NBPF9: variants seen among roughly 807,000 people sequenced by gnomAD.
NBPF9 encodes the protein NBPF family member NBPF9.
NBPF9 carries 91 observed loss-of-function variants against 97.8 expected under a neutral mutation model. The observed-to-expected ratio is 0.93, with a 90% CI of 0.79 to 1.11. The LOEUF (loss-of-function observed/expected upper bound fraction) is 1.11, where lower values mean the gene tolerates loss of function less well. Ranked by LOEUF, NBPF9 falls within the 50% of genes least tolerant of loss-of-function variation. NBPF9 has a pLI of 0.00. For synonymous variants in NBPF9, 334 were observed against 359.5 expected, an observed-to-expected ratio of 0.93 and a Z score of 0.80; for missense variants, 992 against 939.5, an observed-to-expected ratio of 1.06 and a Z score of -0.73.
intron 22 of NBPF9, 65 bp downstream of exon 22, chr1:149,062,028 C>A (rs2078628669): frequency 8.5e-6 from 6 of 706,928 alleles, no homozygotes; most frequent in East Asian, 2.9e-5. Context: ...CCACTTGGAA[C>A]AGGAATATCA....
In NBPF9 at chr1:149,059,843, G is replaced by C. The variant is rs1184773982; in HGVS notation, c.2477-35C>G. The stretch of plus-strand genomic sequence containing the variant: ...ATTCAGACATGGACAGACACATTAA[G>C]CTGATTCCCCTACACATATAACAAT... On this transcript the variant is annotated intron_variant, in intron 24 of 29. Transcript: ENST00000584027. The C allele has an allele frequency of 7.4e-5, 39 of 528,184 alleles. 11 individuals are homozygous for C. The highest frequency in any genetic ancestry group is 1.2e-4 in the Non-Finnish European group (35 of 287,938). The allele number at this position is 528,184 out of a possible 1,614,324, so 32.7% of individuals were successfully genotyped here. A position where few individuals can be genotyped will look rare whatever the true frequency, so the allele number is the denominator to read the frequency against.
At chr1:149,085,616 G>T (rs1306315313) in intron 5 of NBPF9, among the ~76,000 whole-genome samples, 1 of 151,890 alleles carries the variant, frequency 6.6e-6, no homozygotes, top group Non-Finnish European at 1.5e-5. Flanking sequence ...CTCACCAATT[G>T]CTTTTAGGGG....
Position 149,061,131 on chromosome 1 carries a change from C to A in NBPF9, c.2303+201G>T. 4 of 381,866 alleles carry A rather than the reference C, an allele frequency of 1.0e-5. 1 individual carries two copies. The highest frequency in any genetic ancestry group is 8.9e-4 in the Middle Eastern group (1 of 1,126). The allele number at this position is 381,866 out of a possible 1,614,324, so 23.7% of individuals were successfully genotyped here. Reference sequence around the variant, plus strand: ...GAGTTTTTGAAGTCTGGTCCACCTACAGTAGGTTAGTAAATGATAAGGGGA... The same window carrying A: ...GAGTTTTTGAAGTCTGGTCCACCTAAAGTAGGTTAGTAAATGATAAGGGGA... On this transcript the variant is annotated intron_variant, in intron 23 of 29. Coordinates refer to ENST00000584027, the Ensembl canonical transcript of NBPF9.
chr1:149,099,686 A>C (rs1158613972), intron 3 of NBPF9, among the ~76,000 whole-genome samples: 1 of 152,214 alleles, frequency 6.6e-6, no homozygotes, highest in Non-Finnish European at 1.5e-5. Flanking sequence ...AAACATAAAA[A>C]TCATTAAAAC....
At position 149,097,370 on chromosome 1, in the gene NBPF9, C is replaced by T. The variant is rs1193392094; in HGVS notation, c.-337+1068G>A. 5.9e-5 allele frequency among the ~76,000 whole-genome samples: 9 copies of T among 152,266 alleles called. No homozygotes were observed. The East Asian group carries it at 1.7e-3, about 29-fold the overall frequency. On this transcript the variant is annotated intron_variant, in intron 4 of 29. Transcript: ENST00000584027. ...AACCCCTTCTTCCTCCTCTGAAACACATTATTCCTCTGGCCCACTGTTGCC... is the reference window on the plus strand; with the variant it reads ...AACCCCTTCTTCCTCCTCTGAAACATATTATTCCTCTGGCCCACTGTTGCC...
chr1:149,095,361 TAA>T (rs587626268), intron 4 of NBPF9, among the ~76,000 whole-genome samples: 5,017 of 141,264 alleles, frequency 0.036, 49 homozygotes, highest in African/African-American at 0.13. Flanking sequence ...ATAAGAATCC[TAA>T]GAGATAAAAT....
intron 24 of NBPF9, chr1:149,060,074 T>C (rs2078500812): frequency 3.3e-6 from 1 of 306,442 alleles, no homozygotes; most frequent in East Asian, 4.1e-5. Context: ...AGTTATGCCA[T>C]ATTTTTCCAA....
chr1:149,073,039 C>G, intron 13 of NBPF9, 107 bp from the exon 14 acceptor site: 3 of 1,154,138 alleles, frequency 2.6e-6, no homozygotes, highest in Non-Finnish European at 2.6e-6. Flanking sequence ...GACCTCGAAG[C>G]AGAAGGTCAG....
In NBPF9 at chr1:149,059,835, C is replaced by T; in HGVS notation, c.2477-27G>A. On this transcript the variant is annotated intron_variant, in intron 24 of 29. Coordinates refer to ENST00000584027, the Ensembl canonical transcript of NBPF9. ...TGCAATAAATTCAGACATGGACAGA[C>T]ACATTAAGCTGATTCCCCTACACAT... 2 of 531,904 alleles carry T rather than the reference C, an allele frequency of 3.8e-6. 1 individual carries two copies. Among genetic ancestry groups the T allele is most frequent in the Non-Finnish European group, 6.9e-6 (2 of 290,418 alleles). 32.9% of individuals were successfully genotyped at this position (531,904 alleles called of 1,614,324 possible). A position where few individuals can be genotyped will look rare whatever the true frequency, so the allele number is the denominator to read the frequency against.
chr1:149,085,292 T>C (rs1189196788), intron 5 of NBPF9, among the ~76,000 whole-genome samples: 111 of 152,236 alleles, frequency 7.3e-4, no homozygotes, highest in Non-Finnish European at 1.0e-4. Context: ...GGGCATATTG[T>C]TTGAGTCTGT....
chr1:149,101,923 CTTTTTTTT>C (rs1229722249), intron 2 of NBPF9, among the ~76,000 whole-genome samples: 3 of 80,646 alleles, frequency 3.7e-5, no homozygotes, highest in African/African-American at 1.5e-4. Flanking sequence ...ATTACCTGTA[CTTTTTTTT>C]TTTTTTTTTT....
chr1:149,068,190 C>G (rs1445891054), intron 17 of NBPF9, among the ~76,000 whole-genome samples: 1 of 149,052 alleles, frequency 6.7e-6, no homozygotes, highest in Non-Finnish European at 1.5e-5. Flanking sequence ...CTCTAAAGAC[C>G]ATTGACGCTA....
At chr1:149,073,818 C>T (rs1482753954) in exon 13 of NBPF9, 2 of 1,520,720 alleles carry the variant, frequency 1.3e-6, no homozygotes, top group African/African-American at 1.3e-5. Context: ...CCTCCTTGAA[C>T]TGTCGCTCAT....
intron 5 of NBPF9, among the ~76,000 whole-genome samples, chr1:149,088,224 T>C (rs1553659214): frequency 2.0e-5 from 3 of 152,270 alleles, no homozygotes; most frequent in Non-Finnish European, 4.4e-5. Flanking sequence ...ATTGCTAATA[T>C]ACAGAAATAC....
At chr1:149,092,981 A>G (rs1440805350) in intron 4 of NBPF9, among the ~76,000 whole-genome samples, 1 of 151,884 alleles carries the variant, frequency 6.6e-6, no homozygotes, top group Non-Finnish European at 1.5e-5. Flanking sequence ...AGAAAGAAAA[A>G]TGGGCCCAGG....
rs587702569 is a variant in NBPF9 at position 149,085,005 on chromosome 1, G to A, written c.-194-2575C>T. Among the ~76,000 whole-genome samples, 9 of 151,902 alleles carry A rather than the reference G, an allele frequency of 5.9e-5. No homozygotes were observed. The South Asian group carries it at 1.0e-3, about 18-fold the overall frequency. The stretch of plus-strand genomic sequence containing the variant: ...TATGAAATGGCCTCCCACCTTCAGC[G>A]TTCCCAGTACTGACCTCCTTTGTTC... On this transcript the variant is annotated intron_variant, in intron 5 of 29. Coordinates refer to ENST00000584027, the Ensembl canonical transcript of NBPF9.
At chr1:149,057,730 C>CACACAG (rs2078306113) in intron 27 of NBPF9, among the ~76,000 whole-genome samples, 1 of 99,164 alleles carries the variant, frequency 1.0e-5, no homozygotes, top group African/African-American at 3.5e-5. Context: ...CACACACACA[C>CACACAG]ACACACACAC....
At chr1:149,086,233 C>A (rs12045251) in intron 5 of NBPF9, among the ~76,000 whole-genome samples, 1 of 148,128 alleles carries the variant, frequency 6.8e-6, no homozygotes, top group Non-Finnish European at 1.5e-5. Flanking sequence ...GCCTCCCTAA[C>A]AACTGTTTCA....
chr1:149,077,803 A>G lies in NBPF9; in HGVS notation c.566+80T>C. 3.9e-5 allele frequency: 61 copies of G among 1,582,674 alleles called. 3 individuals carry two copies. Among genetic ancestry groups the G allele is most frequent in the Non-Finnish European group, 5.1e-5 (59 of 1,153,162 alleles). On this transcript the variant is annotated intron_variant, in intron 10 of 29. Coordinates refer to ENST00000584027, the Ensembl canonical transcript of NBPF9. ...AGGGGATGCGGGCTTTTGGCCCACCATAGATGCCAGAGAGGGTGTGCCTCC... is the reference window on the plus strand; with the variant it reads ...AGGGGATGCGGGCTTTTGGCCCACCGTAGATGCCAGAGAGGGTGTGCCTCC...
Sources: allele counts gnomAD v4.1 joint callset (sites outside exome capture counted in the v4.1 genomes callset), GRCh38; gene constraint gnomAD v4.1.1; transcripts MANE v1.5; gene names NCBI Gene and HGNC (gene_info 2026-07-23, HGNC 2026-07-21).